Variants in AZIN2 observed in about 807,000 individuals in gnomAD.
AZIN2 encodes ODC antizyme inhibitor-2.
AZIN2 carries 28 observed loss-of-function variants against 47.8 expected under a neutral mutation model. The observed-to-expected ratio is 0.59, with a 90% CI of 0.43 to 0.80. The LOEUF is 0.80. Ranked by LOEUF, AZIN2 falls within the 30% of genes least tolerant of loss-of-function variation. The probability of loss-of-function intolerance (pLI) is 0.00; values close to 1 mark genes in which losing one functional copy is unlikely to be tolerated. For synonymous variants in AZIN2, 221 were observed against 239.4 expected, an observed-to-expected ratio of 0.92 and a Z score of 0.71; for missense variants, 535 against 582.5, an observed-to-expected ratio of 0.92 and a Z score of 0.84.
chr1:33,136,118 CCTT>C, the AZIN2 span, among the ~76,000 whole-genome samples: 3 of 33,070 alleles, frequency 9.1e-5, no homozygotes, highest in Non-Finnish European at 2.5e-4. Context: ...GCCAGCCCTT[CCTT>C]CCTTCCTTCC....
At chr1:33,133,176 AG>A in the AZIN2 span, among the ~76,000 whole-genome samples, 9 of 152,200 alleles carry the variant, frequency 5.9e-5, no homozygotes, top group Non-Finnish European at 1.3e-4. Context: ...CCTTGACCCA[AG>A]GGCTTGGTGA....
intron 5 of AZIN2, among the ~76,000 whole-genome samples, chr1:33,090,340 C>T (rs1046925118): frequency 2.6e-5 from 4 of 152,148 alleles, no homozygotes; most frequent in Non-Finnish European, 5.9e-5. Context: ...CAGTTGCTGT[C>T]GTCATCATCA....
the AZIN2 span, chr1:33,147,807 A>G: frequency 6.6e-6 from 10 of 1,510,376 alleles, no homozygotes; most frequent in Admixed American, 5.8e-5. The surrounding 1 kb of genome is among the most constrained non-coding windows in gnomAD (Gnocchi z 8.1). Context: ...CTGAGGGCAG[A>G]GTTCTGGTTG....
Position 33,098,175 on chromosome 1 carries a change from AGAAGG to A in AZIN2, c.1026_1029+1del. ...AACATCTGCCCTACCCCCATCCTGC[AGAAGG>A]TGAGCTTACCCCACGTGGGCCTGTT... is the stretch of plus-strand genomic sequence containing the variant. On this transcript the variant is annotated splice_donor_variant and coding_sequence_variant, in exon 10 of 12. Transcript: ENST00000294517. LOFTEE classifies it high-confidence loss of function. 1 of 1,608,788 alleles carries A rather than the reference AGAAGG, an allele frequency of 6.2e-7. No individual in the cohort carries two copies. The highest frequency in any genetic ancestry group is 2.2e-5 in the East Asian group (1 of 44,702).
At chr1:33,144,516 C>T in the AZIN2 span, among the ~76,000 whole-genome samples, 1 of 152,234 alleles carries the variant, frequency 6.6e-6, no homozygotes, top group African/African-American at 2.4e-5. Context: ...AAGCAGTGGG[C>T]TAAAATACTG....
downstream of AZIN2, among the ~76,000 whole-genome samples, chr1:33,124,294 G>A (rs1215345597): frequency 2.6e-5 from 4 of 152,196 alleles, no homozygotes; most frequent in African/African-American, 9.7e-5. The surrounding 1 kb of genome is among the most constrained non-coding windows in gnomAD (Gnocchi z 4.6). Context: ...GAATTACAAA[G>A]CCAGGAGTTT....
chr1:33,149,826 T>G, the AZIN2 span, among the ~76,000 whole-genome samples: 1 of 152,220 alleles, frequency 6.6e-6, no homozygotes, highest in Admixed American at 6.5e-5. Context: ...CATTTTGCCC[T>G]ATTTCCCCAT....
In AZIN2 at chr1:33,117,349, C is replaced by T. The variant is rs1422508008; in HGVS notation, c.1030-553C>T. Among the ~76,000 whole-genome samples, 5 of 152,014 alleles carry T rather than the reference C, an allele frequency of 3.3e-5. No homozygotes were observed. The South Asian group carries it at 8.3e-4, about 25-fold the overall frequency. Reference sequence around the variant, plus strand: ...AGGACATCTGGGAGGGCTTCATAGACGAGGGAGCCCCAGGGCTGGGCTCAG... The same window carrying T: ...AGGACATCTGGGAGGGCTTCATAGATGAGGGAGCCCCAGGGCTGGGCTCAG... On this transcript the variant is annotated intron_variant, in intron 10 of 11. Coordinates refer to ENST00000294517, the MANE Select transcript of AZIN2 (RefSeq NM_052998.4).
intron 10 of AZIN2, 26 bp downstream of exon 10, chr1:33,098,205 T>C: frequency 6.6e-7 from 1 of 1,515,654 alleles, no homozygotes; most frequent in Non-Finnish European, 9.1e-7. Context: ...GTGGGCCTGT[T>C]TTCAGTTGTG....
At chr1:33,158,241 C>T in the AZIN2 span, 1 of 1,612,150 alleles carries the variant, frequency 6.2e-7, no homozygotes, top group Admixed American at 1.7e-5. Context: ...ACCATGATAA[C>T]CCATGCCTTA....
At chr1:33,087,443 ATATT>A (rs1642045173) in intron 5 of AZIN2, among the ~76,000 whole-genome samples, 1 of 134,258 alleles carries the variant, frequency 7.4e-6, no homozygotes, top group African/African-American at 2.9e-5. Flanking sequence ...ATATATATAT[ATATT>A]TTTTTTTGAG....
chr1:33,146,893 G>A, the AZIN2 span: 1 of 450,986 alleles, frequency 2.2e-6, no homozygotes, highest in Non-Finnish European at 4.0e-6. Context: ...TGAGAAGATG[G>A]GGATGAGGGT....
the AZIN2 span, chr1:33,164,539 A>C: frequency 6.6e-6 from 1 of 152,364 alleles, no homozygotes; most frequent in South Asian, 2.1e-4. Context: ...ACAGTGAGTT[A>C]GTGGTGGGAT....
At chr1:33,118,988 T>G (rs1405114369) in intron 11 of AZIN2, 1 of 152,318 alleles carries the variant, frequency 6.6e-6, no homozygotes, top group African/African-American at 2.4e-5. Context: ...TGGTGAAGGG[T>G]CCCTCTTTTG....
At chr1:33,090,091 G>C (rs986896927) in intron 5 of AZIN2, among the ~76,000 whole-genome samples, 1 of 152,142 alleles carries the variant, frequency 6.6e-6, no homozygotes, top group Non-Finnish European at 1.5e-5. Flanking sequence ...CGGATGGAAG[G>C]CCAAATCCAG....
Position 33,098,110 on chromosome 1 carries a change from T to G in AZIN2, c.960T>G (p.Asp320Glu). 2 of 1,614,176 alleles carry G rather than the reference T, an allele frequency of 1.2e-6. No homozygotes were observed. The highest frequency in any genetic ancestry group is 1.7e-6 in the Non-Finnish European group (2 of 1,180,022). ...CCAAGACCATCGTGTACCACCTTGA[T>G]GAGGGCGTGTATGGGATCTTCAACT... is the stretch of plus-strand genomic sequence containing the variant. ...STSKTIVYHLDEGVYGIFNSV... is the reference protein window; with the variant it reads ...STSKTIVYHLEEGVYGIFNSV... The change falls in exon 10 of 12, where the codon GAT becomes GAG. Residue 320 changes from aspartate to glutamate, a missense_variant. This residue lies in a region of AZIN2 where 409 missense variants were observed against 429.0 expected (regional missense o/e 0.95). Transcript: ENST00000294517.
Position 33,118,097 on chromosome 1 carries a change from G to A in AZIN2, c.1225G>A (p.Ala409Thr). The A allele has an allele frequency of 6.6e-7, 1 of 1,513,126 alleles. No homozygotes were observed. Among genetic ancestry groups the A allele is most frequent in the South Asian group, 1.3e-5 (1 of 74,680 alleles). 93.7% of individuals were successfully genotyped at this position (1,513,126 alleles called of 1,614,324 possible). Residue 409 changes from alanine to threonine, a missense_variant, in exon 11 of 12, where the codon GCC (alanine) becomes ACC (threonine). Physicochemically the swap from Ala to Thr is moderately conservative, Grantham distance 58. Transcript: ENST00000294517. ...WGTQACHITY[A>T]MSRVAWEALR... is the part of the protein sequence containing the mutation. ...GACCCAGGCCTGCCACATCACCTAT[G>A]CCATGTCCCGGGTGGCCTGGTAAGA... is the stretch of plus-strand genomic sequence containing the variant.
At chr1:33,085,093 A>G (rs1168385674) in intron 5 of AZIN2, among the ~76,000 whole-genome samples, 4 of 152,214 alleles carry the variant, frequency 2.6e-5, no homozygotes, top group Non-Finnish European at 5.9e-5. Flanking sequence ...TCAACTAAGT[A>G]GAGCTGAAAG....
At chr1:33,161,004 G>A in the AZIN2 span, among the ~76,000 whole-genome samples, 5 of 152,222 alleles carry the variant, frequency 3.3e-5, no homozygotes, top group African/African-American at 9.6e-5. This position sits in a 1 kb window ranked among gnomAD's most constrained non-coding sequence, Gnocchi z 4.3. Flanking sequence ...GACAGTCTGC[G>A]TAAGGACTCT....
Sources: gnomAD v4.1 joint callset for allele counts (sites outside exome capture counted in the v4.1 genomes callset) on GRCh38, gnomAD v4.1.1 for gene constraint, gnomAD v4.1.1 regional missense constraint, Gnocchi (gnomAD v3.1) non-coding constraint, MANE v1.5 for transcripts, NCBI Gene and HGNC (gene_info 2026-07-23, HGNC 2026-07-21) for gene names.